Variants in SLC35F5 observed in about 807,000 individuals in gnomAD.
SLC35F5 encodes HCV NS5A-transactivated protein 3.
SLC35F5 carries 54 observed loss-of-function variants against 68.6 expected under a neutral mutation model. That is an observed-to-expected ratio of 0.79 (90% CI 0.63 to 0.99). SLC35F5 has a LOEUF of 0.99. SLC35F5 is among the 50% of genes least tolerant of loss of function. SLC35F5 has a pLI of 0.00. For synonymous variants in SLC35F5, 211 were observed against 205.2 expected, an observed-to-expected ratio of 1.03 and a Z score of -0.24; for missense variants, 567 against 626.9, an observed-to-expected ratio of 0.90 and a Z score of 1.02.
chr2:113,740,607 C>T (rs1373546680), intron 7 of SLC35F5, among the ~76,000 whole-genome samples: 2 of 152,062 alleles, frequency 1.3e-5, no homozygotes, highest in Non-Finnish European at 2.9e-5. Context: ...ACCATCACCC[C>T]ATCCATCCAC....
At chr2:113,722,832 C>G (rs1687498473) in intron 13 of SLC35F5, among the ~76,000 whole-genome samples, 1 of 152,204 alleles carries the variant, frequency 6.6e-6, no homozygotes, top group African/African-American at 2.4e-5. Context: ...CAAAGAACAT[C>G]TGGAACAGAA....
At chr2:113,754,305 G>GAA (rs375660155) in intron 3 of SLC35F5, among the ~76,000 whole-genome samples, 16 of 117,526 alleles carry the variant, frequency 1.4e-4, no homozygotes, top group African/African-American at 1.9e-4. Flanking sequence ...AAAAAAAAAA[G>GAA]AAAAAAAAAA....
At chr2:113,739,928 C>T (rs1676178188) in intron 7 of SLC35F5, among the ~76,000 whole-genome samples, 1 of 152,082 alleles carries the variant, frequency 6.6e-6, no homozygotes, top group South Asian at 2.1e-4. Context: ...TAAAGAAATG[C>T]TATTAAGAAA....
At chr2:113,753,168 C>CT (rs1173478465) in intron 3 of SLC35F5, among the ~76,000 whole-genome samples, 2,430 of 48,858 alleles carry the variant, frequency 0.05, 419 homozygotes, top group Non-Finnish European at 0.068. Flanking sequence ...GTTTGTTTTT[C>CT]TTTTTTTTTT....
At chr2:113,735,938 T>C in intron 7 of SLC35F5, 80 bp from the exon 8 acceptor site, 1 of 861,826 alleles carries the variant, frequency 1.2e-6, no homozygotes. Context: ...TTCCCTTTTT[T>C]GTTCTCCTCC....
chr2:113,754,393 T>G (rs895049322), intron 3 of SLC35F5, among the ~76,000 whole-genome samples: 1 of 152,136 alleles, frequency 6.6e-6, no homozygotes, highest in Non-Finnish European at 1.5e-5. Flanking sequence ...AGTATTAAAC[T>G]GCTTCTTTTG....
chr2:113,729,618 T>C (rs892747366), intron 10 of SLC35F5, 113 bp from the exon 11 acceptor site: 1 of 643,014 alleles, frequency 1.6e-6, no homozygotes, highest in South Asian at 1.9e-5. Flanking sequence ...TGAAAAGATA[T>C]ATAATGATAT....
downstream of SLC35F5, chr2:113,705,637 CAAAATAATTAGTAGATGA>C (rs2104942271): frequency 6.6e-6 from 1 of 151,930 alleles, no homozygotes; most frequent in Admixed American, 6.5e-5. Flanking sequence ...AGTGACTTTT[CAAAATAATTAGTAGATGA>C]AGAAAGAAGT....
chr2:113,710,782 AG>A lies in SLC35F5; in HGVS notation c.*4435del, dbSNP rs1390764731. Among the ~76,000 whole-genome samples, 6 of 151,826 alleles carry A rather than the reference AG, an allele frequency of 4.0e-5. No homozygotes were observed. Among genetic ancestry groups the A allele is most frequent in the Admixed American group, 3.9e-4 (6 of 15,234 alleles). On this transcript the variant is annotated 3_prime_UTR_variant, in exon 16 of 16. Transcript: ENST00000245680. Reference sequence around the variant, plus strand: ...GAGACCCCATCTCAAAAAAAAAAAAAGAATTTCATCTCATGTCAAAAATAAG... The same window carrying A: ...GAGACCCCATCTCAAAAAAAAAAAAAAATTTCATCTCATGTCAAAAATAAG...
intron 10 of SLC35F5, among the ~76,000 whole-genome samples, chr2:113,731,370 T>A (rs1687879019): frequency 6.6e-6 from 1 of 152,188 alleles, no homozygotes; most frequent in South Asian, 2.1e-4. Context: ...TGTATAATAT[T>A]TATGTAAGTT....
At chr2:113,724,797 T>C (rs1018126671) in intron 12 of SLC35F5, among the ~76,000 whole-genome samples, 2 of 152,210 alleles carry the variant, frequency 1.3e-5, no homozygotes, top group African/African-American at 4.8e-5. Flanking sequence ...GATACTGTCT[T>C]CATACTATTT....
At chr2:113,722,829 C>A (rs1187692439) in intron 13 of SLC35F5, among the ~76,000 whole-genome samples, 1 of 152,158 alleles carries the variant, frequency 6.6e-6, no homozygotes, top group Non-Finnish European at 1.5e-5. Flanking sequence ...TACCAAAGAA[C>A]ATCTGGAACA....
At position 113,709,719 on chromosome 2, in the gene SLC35F5, C is replaced by T. The variant is rs528930916; in HGVS notation, c.*5499G>A. ...ACCAGCAGCTGGGGCATTACCTGGA[C>T]GCTTGTTAGAAAGGCAAATTACCAG... On this transcript the variant is annotated 3_prime_UTR_variant, in exon 16 of 16. Coordinates refer to ENST00000245680, the MANE Select transcript of SLC35F5 (RefSeq NM_025181.5). Among the ~76,000 whole-genome samples the T allele has an allele frequency of 9.8e-5, 15 of 152,314 alleles. 1 individual carries two copies. The highest frequency in any genetic ancestry group is 5.8e-4 in the East Asian group (3 of 5,182).
rs531674000 is a variant in SLC35F5, at chr2:113,737,165, T to A, written c.751-1307A>T. Among the ~76,000 whole-genome samples the A allele has an allele frequency of 1.5e-4, 23 of 152,324 alleles. No homozygotes were observed. The East Asian group carries it at 3.9e-3, about 26-fold the overall frequency. On this transcript the variant is annotated intron_variant, in intron 7 of 15. Transcript: ENST00000245680. ...ACTTATTTCTATTAAGAGAAGAACATCTCTCGATCTCTCTCAGAGCTTGTG... is the reference window on the plus strand; with the variant it reads ...ACTTATTTCTATTAAGAGAAGAACAACTCTCGATCTCTCTCAGAGCTTGTG...
At chr2:113,720,839 G>A (rs1687402874) in intron 13 of SLC35F5, among the ~76,000 whole-genome samples, 1 of 152,090 alleles carries the variant, frequency 6.6e-6, no homozygotes, top group Admixed American at 6.5e-5. Context: ...AGCCCTAGAA[G>A]ACTTTAGAAG....
chr2:113,749,089 A>G (rs1261818973), intron 4 of SLC35F5, among the ~76,000 whole-genome samples: 1 of 152,200 alleles, frequency 6.6e-6, no homozygotes, highest in Non-Finnish European at 1.5e-5. Context: ...GGCATGAGCC[A>G]CTATGGCCCA....
chr2:113,753,026 A>G (rs1180587560), intron 3 of SLC35F5, among the ~76,000 whole-genome samples: 1 of 152,110 alleles, frequency 6.6e-6, no homozygotes, highest in Non-Finnish European at 1.5e-5. Context: ...AAGGTTGGCA[A>G]ATTTGGTTAA....
chr2:113,719,578 T>C (rs933267889), intron 13 of SLC35F5: 20 of 271,262 alleles, frequency 7.4e-5, no homozygotes, highest in Non-Finnish European at 1.4e-4. Flanking sequence ...TTTCCATTTA[T>C]AGGCATTGTA....
At position 113,710,843 on chromosome 2, in the gene SLC35F5, G is replaced by A. The variant is rs1413548565; in HGVS notation, c.*4375C>T. ...CAGAAATCTTCTGCCTGCCTTCCAA[G>A]GACCCACTGAAATTAATGGATACTC... On this transcript the variant is annotated 3_prime_UTR_variant, in exon 16 of 16. Coordinates refer to ENST00000245680, the MANE Select transcript of SLC35F5 (RefSeq NM_025181.5). Among the ~76,000 whole-genome samples, 3 of 151,892 alleles carry A rather than the reference G, an allele frequency of 2.0e-5. No individual in the cohort carries two copies. The highest frequency in any genetic ancestry group is 6.5e-5 in the Admixed American group (1 of 15,268).
Sources: gnomAD v4.1 joint callset for allele counts (sites outside exome capture counted in the v4.1 genomes callset) on GRCh38, gnomAD v4.1.1 for gene constraint, MANE v1.5 for transcripts, NCBI Gene and HGNC (gene_info 2026-07-23, HGNC 2026-07-21) for gene names.